Variants in NCALD observed in about 807,000 individuals in gnomAD.
NCALD encodes the protein neurocalcin-delta.
In NCALD, 10 loss-of-function variants were observed where a neutral mutation model predicts 18.6. The ratio of observed to expected loss-of-function variants is 0.54; its 90% CI spans 0.33 to 0.91. The LOEUF (loss-of-function observed/expected upper bound fraction) is 0.91, where lower values mean the gene tolerates loss of function less well. Ranked by LOEUF, NCALD falls within the 40% of genes least tolerant of loss-of-function variation. NCALD has a pLI of 0.03. For synonymous variants in NCALD, 88 were observed against 87.4 expected (o/e 1.01, Z -0.04); for missense variants, 184 against 247.6 (o/e 0.74, Z 1.72).
At chr8:102,027,855 G>A (rs1038156705) in intron 1 of NCALD, among the ~76,000 whole-genome samples, 1 of 152,194 alleles carries the variant, frequency 6.6e-6, no homozygotes, top group Non-Finnish European at 1.5e-5. Context: ...GGAAGGGGAA[G>A]TATGAGCAAA....
intron 4 of NCALD, among the ~76,000 whole-genome samples, chr8:101,832,960 A>G (rs1018130331): frequency 1.3e-5 from 2 of 152,080 alleles, no homozygotes; most frequent in Non-Finnish European, 2.9e-5. Flanking sequence ...GCTCTAGAAC[A>G]TTTTCTTATA....
intron 1 of NCALD, among the ~76,000 whole-genome samples, chr8:102,119,360 G>A (rs1019132986): frequency 6.6e-6 from 1 of 152,176 alleles, no homozygotes; most frequent in Non-Finnish European, 1.5e-5. Context: ...ACCTAGAGTA[G>A]TCAATTCATA....
chr8:101,758,304 T>C (rs1293717584), intron 1 of NCALD, among the ~76,000 whole-genome samples: 6 of 152,028 alleles, frequency 3.9e-5, no homozygotes, highest in Non-Finnish European at 8.8e-5. Context: ...AGGCCCCAGC[T>C]CTCCCCCTCC....
At chr8:101,811,932 C>A (rs1813320119) in intron 4 of NCALD, among the ~76,000 whole-genome samples, 1 of 152,196 alleles carries the variant, frequency 6.6e-6, no homozygotes, top group Admixed American at 6.5e-5. Flanking sequence ...TAAACACAAG[C>A]AAGAAAAGAA....
intron 4 of NCALD, among the ~76,000 whole-genome samples, chr8:101,799,185 G>A (rs1563780698): frequency 6.6e-6 from 1 of 151,648 alleles, no homozygotes; most frequent in Non-Finnish European, 1.5e-5. Flanking sequence ...TAACAAACAA[G>A]TATAAAAAAA....
intron 1 of NCALD, among the ~76,000 whole-genome samples, chr8:101,781,107 T>C (rs1339009963): frequency 6.6e-6 from 1 of 152,140 alleles, no homozygotes; most frequent in East Asian, 1.9e-4. Context: ...TTTTGCAAAG[T>C]GGAATTTGGA....
intron 4 of NCALD, among the ~76,000 whole-genome samples, chr8:101,811,342 ATGAGC>A (rs1563792134): frequency 6.6e-6 from 1 of 152,188 alleles, no homozygotes; most frequent in Non-Finnish European, 1.5e-5. Flanking sequence ...GGAAGGGGCC[ATGAGC>A]CAAAGATGTA....
chr8:101,988,287 T>A (rs1485829325), intron 2 of NCALD, among the ~76,000 whole-genome samples: 1 of 152,168 alleles, frequency 6.6e-6, no homozygotes, highest in African/African-American at 2.4e-5. Context: ...AAAAGTGTTA[T>A]ATACGTAATA....
At chr8:101,940,671 C>T (rs2119226) in intron 2 of NCALD, among the ~76,000 whole-genome samples, 85,257 of 152,064 alleles carry the variant, frequency 0.56, 24,384 homozygotes, top group African/African-American at 0.67. Context: ...CAACAGACAA[C>T]CTAAACCCAG....
In NCALD at chr8:101,688,617, G is replaced by C; in HGVS notation, c.*692C>G. On this transcript the variant is annotated 3_prime_UTR_variant, in exon 4 of 4. Transcript: ENST00000220931. ...TCACAATAGGCAACAAGATGGGTCT[G>C]GTTTTGGAATATGTTACCATTTGTG... 4.4e-6 allele frequency: 2 copies of C among 457,576 alleles called. No individual in the cohort carries two copies. The highest frequency in any genetic ancestry group is 4.4e-6 in the Non-Finnish European group (1 of 227,672). 28.3% of individuals were successfully genotyped at this position (457,576 alleles called of 1,614,324 possible). A position where few individuals can be genotyped will look rare whatever the true frequency, so the allele number is the denominator to read the frequency against.
chr8:101,718,465 T>C (rs780609145), intron 2 of NCALD, among the ~76,000 whole-genome samples: 3 of 152,134 alleles, frequency 2.0e-5, no homozygotes, highest in South Asian at 2.1e-4. Flanking sequence ...TTTTCCACCC[T>C]ATACTATTTG....
chr8:101,885,377 A>C (rs1216885557), intron 4 of NCALD, among the ~76,000 whole-genome samples: 1 of 152,232 alleles, frequency 6.6e-6, no homozygotes, highest in Non-Finnish European at 1.5e-5. Flanking sequence ...CAAACAGCCC[A>C]GGAAATTTGG....
intron 2 of NCALD, among the ~76,000 whole-genome samples, chr8:101,916,910 G>A (rs934099757): frequency 6.6e-6 from 1 of 151,840 alleles, no homozygotes; most frequent in Non-Finnish European, 1.5e-5. Flanking sequence ...ATAATAGAAG[G>A]GAACTTTAAC....
At chr8:101,930,234 T>C (rs375625572) in intron 2 of NCALD, among the ~76,000 whole-genome samples, 4 of 152,038 alleles carry the variant, frequency 2.6e-5, no homozygotes, top group South Asian at 4.2e-4. Flanking sequence ...CATGTATACA[T>C]GGAAGTGACT....
chr8:102,075,559 T>G (rs955052607), intron 1 of NCALD, among the ~76,000 whole-genome samples: 3 of 152,226 alleles, frequency 2.0e-5, no homozygotes, highest in African/African-American at 4.8e-5. Context: ...TTTTTCTCCT[T>G]TATAGTTCTC....
At chr8:101,992,496 A>AC (rs1821084682) in intron 2 of NCALD, among the ~76,000 whole-genome samples, 3 of 152,238 alleles carry the variant, frequency 2.0e-5, no homozygotes, top group Non-Finnish European at 4.4e-5. Context: ...TCTGACAGGA[A>AC]AGAGGTCAAC....
intron 4 of NCALD, among the ~76,000 whole-genome samples, chr8:101,801,448 T>C (rs538006160): frequency 4.7e-4 from 72 of 151,972 alleles, no homozygotes; most frequent in Admixed American, 4.4e-3. Context: ...ATTGGCTACA[T>C]GCTGGGCCAC....
intron 4 of NCALD, among the ~76,000 whole-genome samples, chr8:101,864,486 G>A (rs1563837635): frequency 1.3e-5 from 2 of 151,984 alleles, no homozygotes; most frequent in East Asian, 3.9e-4. Flanking sequence ...GGTGAGACAG[G>A]CATTTTAAGG....
chr8:101,720,146 T>G (rs1816283546), intron 1 of NCALD, among the ~76,000 whole-genome samples: 1 of 152,170 alleles, frequency 6.6e-6, no homozygotes, highest in South Asian at 2.1e-4. Flanking sequence ...AAAATGCTGC[T>G]TGGATACCTT....
Sources: allele counts gnomAD v4.1 joint callset (sites outside exome capture counted in the v4.1 genomes callset), GRCh38; gene constraint gnomAD v4.1.1; transcripts MANE v1.5; gene names NCBI Gene and HGNC (gene_info 2026-07-23, HGNC 2026-07-21).